Variants in CTNND2 observed in about 807,000 individuals in gnomAD.
CTNND2 encodes the protein catenin delta 2.
In CTNND2, 22 loss-of-function variants were observed where a neutral mutation model predicts 144.4. The ratio of observed to expected loss-of-function variants is 0.15; its 90% confidence interval spans 0.11 to 0.22. The LOEUF is 0.22. Ranked by LOEUF, CTNND2 falls within the 10% of genes least tolerant of loss-of-function variation. CTNND2 has a pLI of 1.00. For synonymous variants in CTNND2, 751 were observed against 695.6 expected (o/e 1.08, Z -1.25); for missense variants, 1,353 against 1,618.8 (o/e 0.84, Z 2.82).
intron 10 of CTNND2, among the ~76,000 whole-genome samples, chr5:11,204,123 A>T (rs1224650634): frequency 6.6e-6 from 1 of 152,242 alleles, no homozygotes; most frequent in Non-Finnish European, 1.5e-5. Flanking sequence ...TACAAGGAGT[A>T]AGGGAGGTGG....
At chr5:11,349,147 AC>A (rs935565756) in intron 8 of CTNND2, among the ~76,000 whole-genome samples, 6 of 152,148 alleles carry the variant, frequency 3.9e-5, no homozygotes, top group African/African-American at 1.4e-4. Flanking sequence ...TTTAATTTCA[AC>A]CCAGGAAAAG....
intron 3 of CTNND2, among the ~76,000 whole-genome samples, chr5:11,514,231 C>T (rs147638390): frequency 1.3e-5 from 2 of 151,628 alleles, no homozygotes; most frequent in Admixed American, 1.3e-4. Flanking sequence ...CATTTAGGTG[C>T]AATAGTTTCA....
chr5:11,241,708 C>T (rs1180618256), intron 9 of CTNND2, among the ~76,000 whole-genome samples: 4 of 152,154 alleles, frequency 2.6e-5, no homozygotes, highest in Non-Finnish European at 2.9e-5. Context: ...GTTTGGTTTT[C>T]TTTTTGCTGA....
At chr5:11,711,578 G>A (rs930077103) in intron 2 of CTNND2, among the ~76,000 whole-genome samples, 5 of 152,168 alleles carry the variant, frequency 3.3e-5, no homozygotes, top group African/African-American at 1.2e-4. Flanking sequence ...GTTATGAACT[G>A]TTTTAAGCTC....
intron 10 of CTNND2, among the ~76,000 whole-genome samples, chr5:11,220,848 T>A (rs534791956): frequency 1.1e-4 from 17 of 152,184 alleles, no homozygotes; most frequent in Non-Finnish European, 2.2e-4. Context: ...ACATTTCAAT[T>A]GCAAGATTCT....
At chr5:11,822,116 TATA>T (rs1470217255) in intron 1 of CTNND2, among the ~76,000 whole-genome samples, 1 of 152,188 alleles carries the variant, frequency 6.6e-6, no homozygotes, top group Non-Finnish European at 1.5e-5. Flanking sequence ...AACTATCAAA[TATA>T]ATGTCAATAT....
chr5:11,331,941 A>G (rs983083718), intron 9 of CTNND2, among the ~76,000 whole-genome samples: 1 of 152,180 alleles, frequency 6.6e-6, no homozygotes, highest in African/African-American at 2.4e-5. Context: ...CAAAGAAATC[A>G]TAAGTGCTTG....
At chr5:11,551,741 G>A (rs1283591954) in intron 3 of CTNND2, among the ~76,000 whole-genome samples, 1 of 152,072 alleles carries the variant, frequency 6.6e-6, no homozygotes, top group Non-Finnish European at 1.5e-5. Context: ...TGGGATTACA[G>A]GCACCCGCCT....
rs61749762 is a variant in CTNND2 at position 11,412,638 on chromosome 5, G to T, written c.288-569C>A. ...TTATGAAATGACCCAGACGGAAAGG[G>T]TTGTCCATATACATATGCCAAAGAT... On this transcript the variant is annotated intron_variant, in intron 3 of 21. Transcript: ENST00000304623. Among the ~76,000 whole-genome samples, 153 of 152,170 alleles carry T rather than the reference G, an allele frequency of 1.0e-3. 1 individual carries two copies. The East Asian group carries it at 0.019, about 19-fold the overall frequency.
Position 11,159,767 on chromosome 5 carries a change from A to C in CTNND2, c.1976-8T>G. ...AGAGGTTCCAAAGGACTCCTGCAAGAGACACACAAAAAGAGGTTTTGGGTG... is the reference window on the plus strand; with the variant it reads ...AGAGGTTCCAAAGGACTCCTGCAAGCGACACACAAAAAGAGGTTTTGGGTG... On this transcript the variant is annotated splice_region_variant and splice_polypyrimidine_tract_variant and intron_variant, in intron 11 of 21. Coordinates refer to ENST00000304623, the MANE Select transcript of CTNND2 (RefSeq NM_001332.4). 1 of 1,563,004 alleles carries C rather than the reference A, an allele frequency of 6.4e-7. No homozygotes were observed. Among genetic ancestry groups the C allele is most frequent in the Non-Finnish European group, 8.7e-7 (1 of 1,152,782 alleles).
At chr5:11,564,520 T>G (rs974057988) in intron 3 of CTNND2, among the ~76,000 whole-genome samples, 1 of 152,196 alleles carries the variant, frequency 6.6e-6, no homozygotes, top group Non-Finnish European at 1.5e-5. Flanking sequence ...CAAGGGGCAA[T>G]TTCATAACTT....
intron 3 of CTNND2, among the ~76,000 whole-genome samples, chr5:11,446,081 CAT>C (rs1764774637): frequency 6.6e-6 from 1 of 152,192 alleles, no homozygotes; most frequent in South Asian, 2.1e-4. Flanking sequence ...AAGAGATTCT[CAT>C]GCTTCAGCCC....
chr5:11,755,746 T>A (rs2126794472), intron 1 of CTNND2, among the ~76,000 whole-genome samples: 1 of 151,586 alleles, frequency 6.6e-6, no homozygotes, highest in Non-Finnish European at 1.5e-5. Context: ...GCAATTATAT[T>A]ATGAAATTCT....
intron 3 of CTNND2, among the ~76,000 whole-genome samples, chr5:11,563,982 T>C (rs1776875840): frequency 1.3e-5 from 2 of 152,184 alleles, no homozygotes; most frequent in South Asian, 2.1e-4. Flanking sequence ...TGAGAGGTCA[T>C]GTGACTGAAA....
intron 1 of CTNND2, among the ~76,000 whole-genome samples, chr5:11,815,156 T>G (rs913356396): frequency 5.9e-5 from 9 of 152,056 alleles, no homozygotes; most frequent in African/African-American, 2.2e-4. Context: ...TAGGCAGATA[T>G]AGAAATTATG....
At chr5:11,790,703 A>G (rs1366096557) in intron 1 of CTNND2, among the ~76,000 whole-genome samples, 1 of 152,206 alleles carries the variant, frequency 6.6e-6, no homozygotes, top group African/African-American at 2.4e-5. Flanking sequence ...TCACTCATAA[A>G]AGAAATGTTT....
rs80013531 is a variant in CTNND2 at position 11,289,092 on chromosome 5, C to T, written c.1629-52269G>A. Among the ~76,000 whole-genome samples the T allele has an allele frequency of 9.9e-3, 1,511 of 152,284 alleles. 17 individuals are homozygous for T. Among genetic ancestry groups the T allele is most frequent in the African/African-American group, 0.032 (1,338 of 41,556 alleles). ...GCCTTTTGCAGCCTGCCATCCCCCC[C>T]GCCTGTGCTCCCAGGCCACTATCTG... On this transcript the variant is annotated intron_variant, in intron 9 of 21. Coordinates refer to ENST00000304623, the MANE Select transcript of CTNND2 (RefSeq NM_001332.4).
chr5:11,455,099 T>C (rs1041546787), intron 3 of CTNND2, among the ~76,000 whole-genome samples: 1 of 151,820 alleles, frequency 6.6e-6, no homozygotes, highest in African/African-American at 2.4e-5. Flanking sequence ...TTCTGGGTTT[T>C]TGGTTGTTCC....
chr5:11,440,961 A>G (rs1764206547), intron 3 of CTNND2, among the ~76,000 whole-genome samples: 1 of 152,218 alleles, frequency 6.6e-6, no homozygotes, highest in African/African-American at 2.4e-5. Context: ...AGTATCTTTC[A>G]CAAAGAGATA....
Sources: gnomAD v4.1 joint callset for allele counts (sites outside exome capture counted in the v4.1 genomes callset) on GRCh38, gnomAD v4.1.1 for gene constraint, MANE v1.5 for transcripts, NCBI Gene and HGNC (gene_info 2026-07-23, HGNC 2026-07-21) for gene names.